Variants in PRDM15 observed in about 807,000 individuals in gnomAD.
PRDM15 encodes the protein PR domain zinc finger protein 15.
A neutral mutation model predicts 128.6 loss-of-function variants in PRDM15; 64 were observed. That is an observed-to-expected ratio of 0.50 (90% CI 0.41 to 0.61). The LOEUF is 0.61. PRDM15 is among the 20% of genes least tolerant of loss of function. The pLI is 0.00. For synonymous variants in PRDM15, 615 were observed against 621.8 expected (o/e 0.99, Z 0.16); for missense variants, 1,242 against 1,569.1 (o/e 0.79, Z 3.52).
At chr21:41,848,736 A>G (rs6586292) in intron 5 of PRDM15, among the ~76,000 whole-genome samples, 141,440 of 152,316 alleles carry the variant, frequency 0.93, 65,762 homozygotes, top group African/African-American at 0.97. Flanking sequence ...ACACCCCCAC[A>G]AGTGTGGGTT....
At chr21:41,860,224 C>G (rs2063768189) in intron 2 of PRDM15, 103 bp downstream of exon 2, 1 of 821,594 alleles carries the variant, frequency 1.2e-6, no homozygotes, top group Non-Finnish European at 2.0e-6. Context: ...TTATAAAAAC[C>G]AAATGTAGAC....
chr21:41,802,804 C>T lies in PRDM15; in HGVS notation c.2851G>A (p.Asp951Asn). ...EEEAGAPVPEDATFSEYSEKE... is the reference protein window; with the variant it reads ...EEEAGAPVPENATFSEYSEKE... The stretch of plus-strand genomic sequence containing the variant: ...TCTGAGTATTCGCTGAAGGTGGCGT[C>T]CTCGGGCACCGGAGCACCCGCCTCC... Residue 951 changes from aspartate to asparagine, a missense_variant, in exon 23 of 24, where the codon GAC (aspartate) becomes AAC (asparagine). Coordinates refer to ENST00000398548, the MANE Select transcript of PRDM15 (RefSeq NM_001040424.3). 11 of 1,614,206 alleles carry T rather than the reference C, an allele frequency of 6.8e-6. No homozygotes were observed. The highest frequency in any genetic ancestry group is 1.3e-5 in the African/African-American group (1 of 75,058).
chr21:41,838,109 G>C (rs1568959898), intron 7 of PRDM15, 46 bp from the exon 8 acceptor site: 2 of 1,602,630 alleles, frequency 1.2e-6, no homozygotes, highest in South Asian at 2.2e-5. Context: ...AAGAGCAGGG[G>C]ACAAACACAG....
At chr21:41,817,672 C>T (rs2062099212) in intron 18 of PRDM15, among the ~76,000 whole-genome samples, 1 of 152,004 alleles carries the variant, frequency 6.6e-6, no homozygotes, top group Admixed American at 6.5e-5. Flanking sequence ...TTTACATGTT[C>T]CGATATAAAA....
chr21:41,845,769 A>G (rs1160821293), intron 6 of PRDM15, among the ~76,000 whole-genome samples: 1 of 152,146 alleles, frequency 6.6e-6, no homozygotes. Context: ...CACTGAAAAT[A>G]TGAAGGAATT....
chr21:41,810,829 T>C lies in PRDM15; in HGVS notation c.2400A>G (p.Lys800=), dbSNP rs1433887129. The C allele has an allele frequency of 1.9e-6, 3 of 1,614,096 alleles. No individual in the cohort carries two copies. Among genetic ancestry groups the C allele is most frequent in the South Asian group, 1.1e-5 (1 of 91,078 alleles). The part of the protein sequence containing the change: ...LKHCKRHTGI[K]DFMCELCGKT... ...TCCCACACAATTCACACATGAAATC[T>C]TTAATCCCTGCAGAGAAAGGCGCAC... Residue 800 remains lysine, a synonymous_variant, in exon 20 of 24, where the codon AAA becomes AAG. Transcript: ENST00000398548. The surrounding 1 kb of genome is among the most constrained non-coding windows in gnomAD (Gnocchi z 6.4).
At chr21:41,839,435 A>G (rs1354254393) in intron 7 of PRDM15, among the ~76,000 whole-genome samples, 188 bp downstream of exon 7, 1 of 152,212 alleles carries the variant, frequency 6.6e-6, no homozygotes, top group Non-Finnish European at 1.5e-5. Flanking sequence ...TGTGACATGT[A>G]TTACATGGAA....
intron 1 of PRDM15, among the ~76,000 whole-genome samples, chr21:41,872,774 A>G (rs912906186): frequency 6.6e-6 from 1 of 152,042 alleles, no homozygotes; most frequent in Non-Finnish European, 1.5e-5. Flanking sequence ...CAAAACGCAC[A>G]CTCCTGGGCA....
intron 1 of PRDM15, chr21:41,867,387 G>C (rs2064048753): frequency 1.9e-6 from 3 of 1,609,248 alleles, no homozygotes; most frequent in Admixed American, 3.3e-5. Context: ...CCTGAAAGCA[G>C]TGAAAGGAAA....
chr21:41,831,824 C>T (rs960420620), intron 11 of PRDM15, among the ~76,000 whole-genome samples: 1 of 152,216 alleles, frequency 6.6e-6, no homozygotes, highest in African/African-American at 2.4e-5. Context: ...CGAGGCTTCT[C>T]TGCCCACATC....
chr21:41,819,490 A>AACCCC, intron 18 of PRDM15, 92 bp downstream of exon 18: 1 of 188,694 alleles, frequency 5.3e-6, no homozygotes, highest in Non-Finnish European at 7.8e-6. Context: ...CACCTTCCCC[A>AACCCC]CACTCCCAGT....
At position 41,801,434 on chromosome 21, in the gene PRDM15, A is replaced by T. The variant is rs2061413493; in HGVS notation, c.3232T>A (p.Phe1078Ile). 1 of 1,614,100 alleles carries T rather than the reference A, an allele frequency of 6.2e-7. No homozygotes were observed. The highest frequency in any genetic ancestry group is 8.5e-7 in the Non-Finnish European group (1 of 1,179,998). ...EASNPQSVAH[F>I]INLTTLVNSI... ...TTGACCAGGGTCGTCAGGTTGATGA[A>T]ATGGGCCACAGACTGTGGGTTCGAG... The change falls in exon 24 of 24, where the codon TTC becomes ATC. Residue 1078 changes from phenylalanine (F) to isoleucine (I), a missense_variant. By Grantham distance (21) the Phe-to-Ile change is conservative. Around this residue, in one of 3 missense-constraint regions of PRDM15, gnomAD observed 602 missense variants for 788.3 expected, o/e 0.76. Transcript: ENST00000398548.
In PRDM15 at chr21:41,879,220, G is replaced by A. The variant is rs1437208920; in HGVS notation, c.-10+50C>T. The A allele has an allele frequency of 8.4e-6, 7 of 832,364 alleles. No homozygotes were observed. The highest frequency in any genetic ancestry group is 1.3e-4 in the East Asian group (1 of 7,908). 51.6% of individuals were successfully genotyped at this position (832,364 alleles called of 1,614,324 possible). On this transcript the variant is annotated intron_variant, in intron 1 of 23. Transcript: ENST00000398548. The surrounding 1 kb of genome is among the most constrained non-coding windows in gnomAD (Gnocchi z 5.1). ...GGGGCAGCGGGTGCGGCCCGGGGCC[G>A]GCGGGGCGCACGCCGGGGCGGGCGG...
chr21:41,825,181 C>T (rs1234496847), intron 13 of PRDM15, among the ~76,000 whole-genome samples: 1 of 152,236 alleles, frequency 6.6e-6, no homozygotes, highest in African/African-American at 2.4e-5. Context: ...CTTACAGTCA[C>T]CTGAGTGAAA....
chr21:41,876,849 G>A (rs2064435812), intron 1 of PRDM15, among the ~76,000 whole-genome samples: 1 of 152,132 alleles, frequency 6.6e-6, no homozygotes, highest in Admixed American at 6.5e-5. Context: ...TTCTGCCTCC[G>A]AGTTCTGTGG....
chr21:41,810,971 C>T lies in PRDM15; in HGVS notation c.2393-135G>A, dbSNP rs2061845338. On this transcript the variant is annotated intron_variant, in intron 19 of 23. Coordinates refer to ENST00000398548, the MANE Select transcript of PRDM15 (RefSeq NM_001040424.3). The surrounding 1 kb of genome is among the most constrained non-coding windows in gnomAD (Gnocchi z 6.4). ...AGGTGAATTGCAAGAAGACAGCAGA[C>T]AATGAACGCTCATCCCCAGCCTCGG... 2.8e-6 allele frequency: 2 copies of T among 725,340 alleles called. No individual in the cohort carries two copies. Among genetic ancestry groups the T allele is most frequent in the Non-Finnish European group, 4.8e-6 (2 of 419,460 alleles). The allele number at this position is 725,340 out of a possible 1,614,324, so 44.9% of individuals were successfully genotyped here. A position where few individuals can be genotyped will look rare whatever the true frequency, so the allele number is the denominator to read the frequency against.
At position 41,862,780 on chromosome 21, in the gene PRDM15, G is replaced by T. The variant is rs546414697; in HGVS notation, c.-9-2408C>A. Among the ~76,000 whole-genome samples the T allele has an allele frequency of 6.6e-6, 1 of 152,292 alleles. No homozygotes were observed. Among genetic ancestry groups the T allele is most frequent in the South Asian group, 2.1e-4 (1 of 4,822 alleles). On this transcript the variant is annotated intron_variant, in intron 1 of 23. Transcript: ENST00000398548. The surrounding 1 kb of genome is among the most constrained non-coding windows in gnomAD (Gnocchi z 4.1). ...AGAAAGTGCCTTCATAGAAGGGGAA[G>T]TGTGGTCTCCAGACCTCTAAGGCAC... is the stretch of plus-strand genomic sequence containing the variant.
rs889910725 is a variant in PRDM15 at position 41,798,953 on chromosome 21, T to C, written c.*2287A>G. 2 of 152,314 alleles carry C rather than the reference T, an allele frequency of 1.3e-5. No individual in the cohort carries two copies. Among genetic ancestry groups the C allele is most frequent in the East Asian group, 3.9e-4 (2 of 5,186 alleles). 9.4% of individuals were successfully genotyped at this position (152,314 alleles called of 1,614,324 possible). ...AAGACCACGTATGTTTACAGAAAAC[T>C]TGGGAGTTTGATTTTTCTTTAGAGT... On this transcript the variant is annotated 3_prime_UTR_variant, in exon 24 of 24. Coordinates refer to ENST00000398548, the MANE Select transcript of PRDM15 (RefSeq NM_001040424.3).
chr21:41,842,788 C>CTTT (rs752234481), intron 6 of PRDM15, among the ~76,000 whole-genome samples: 2 of 125,558 alleles, frequency 1.6e-5, no homozygotes, highest in African/African-American at 3.0e-5. Context: ...TACGCCTGGC[C>CTTT]TTTTTTTTTT....
Sources: allele counts gnomAD v4.1 joint callset (sites outside exome capture counted in the v4.1 genomes callset), GRCh38; gene constraint gnomAD v4.1.1; regional missense constraint gnomAD v4.1.1; non-coding constraint Gnocchi (gnomAD v3.1); transcripts MANE v1.5; gene names NCBI Gene and HGNC (gene_info 2026-07-23, HGNC 2026-07-21).